Variants in CCDC7 observed in about 807,000 individuals in gnomAD.
CCDC7 encodes the protein coiled-coil domain containing 7.
Under a neutral mutation model 196.9 loss-of-function variants are expected in CCDC7, and 183 were observed. The ratio of observed to expected loss-of-function variants is 0.93; its 90% CI spans 0.82 to 1.05. The LOEUF is 1.05. CCDC7 is among the 50% of genes least tolerant of loss of function. The pLI is 0.00. For missense variants in CCDC7, 1,540 were observed against 1,482.2 expected (o/e 1.04, Z -0.64); for synonymous variants, 525 against 484.6 (o/e 1.08, Z -1.10).
At position 32,643,330 on chromosome 10, in the gene CCDC7, T is replaced by C. The variant is rs902939463; in HGVS notation, c.2014+8172T>C. Among the ~76,000 whole-genome samples the C allele has an allele frequency of 5.2e-4, 79 of 152,208 alleles. 3 individuals are homozygous for C. Among genetic ancestry groups the C allele is most frequent in the Non-Finnish European group, 4.4e-5 (3 of 68,022 alleles). On this transcript the variant is annotated intron_variant, in intron 20 of 41. Transcript: ENST00000639629. ...TACATTGACATACTATGGTGATTTT[T>C]GTTAGTGTATGTGTGGTGTATCTCT...
intron 5 of CCDC7, among the ~76,000 whole-genome samples, chr10:32,465,378 T>C (rs2036556607): frequency 6.6e-6 from 1 of 152,062 alleles, no homozygotes; most frequent in East Asian, 1.9e-4. Flanking sequence ...TCTGTCTCCC[T>C]AACAAGTAAA....
At chr10:32,837,990 G>A (rs577440650) in intron 33 of CCDC7, among the ~76,000 whole-genome samples, 1 of 151,456 alleles carries the variant, frequency 6.6e-6, no homozygotes, top group African/African-American at 2.4e-5. Flanking sequence ...TGAGTTAATG[G>A]GTGCAGCACA....
At chr10:32,611,835 A>G (rs910306914) in intron 18 of CCDC7, among the ~76,000 whole-genome samples, 12 of 152,220 alleles carry the variant, frequency 7.9e-5, no homozygotes, top group African/African-American at 2.9e-4. Flanking sequence ...TTGTAGTATA[A>G]TTTGAAGTCA....
chr10:32,563,726 G>A (rs1019441907), intron 13 of CCDC7, among the ~76,000 whole-genome samples: 1 of 152,122 alleles, frequency 6.6e-6, no homozygotes, highest in African/African-American at 2.4e-5. Context: ...TTACCATTCA[G>A]GACATAGGCA....
At chr10:32,744,148 AG>A (rs1203194811) in intron 28 of CCDC7, among the ~76,000 whole-genome samples, 118 of 151,426 alleles carry the variant, frequency 7.8e-4, no homozygotes, top group African/African-American at 2.6e-3. Flanking sequence ...TTAAAAAAAA[AG>A]AAAAAAAAAA....
intron 13 of CCDC7, among the ~76,000 whole-genome samples, chr10:32,550,436 A>G (rs2947072): frequency 0.83 from 126,545 of 152,090 alleles, 53,258 homozygotes; most frequent in Non-Finnish European, 0.9. Context: ...AGGACTTTCA[A>G]TACTATGTTG....
intron 13 of CCDC7, among the ~76,000 whole-genome samples, chr10:32,546,966 G>C (rs796509937): frequency 2.6e-4 from 39 of 152,176 alleles, no homozygotes; most frequent in African/African-American, 8.4e-4. Flanking sequence ...TAGATTGTTC[G>C]TATCATAGCA....
chr10:32,604,615 G>T (rs1478562820), intron 18 of CCDC7, among the ~76,000 whole-genome samples: 9 of 152,100 alleles, frequency 5.9e-5, no homozygotes, highest in African/African-American at 2.2e-4. Flanking sequence ...GTGTTTTACA[G>T]CTTTCTTTAC....
At position 32,666,033 on chromosome 10, in the gene CCDC7, G is replaced by A. The variant is rs550033022; in HGVS notation, c.2122+1872G>A. ...GAGTATAGGAACACTACTAATGTTT[G>A]TGTGTTGACTTTCTACCCTGAAAAT... is the stretch of plus-strand genomic sequence containing the variant. On this transcript the variant is annotated intron_variant, in intron 21 of 41. Coordinates refer to ENST00000639629, the Ensembl canonical transcript of CCDC7. Among the ~76,000 whole-genome samples, 217 of 150,800 alleles carry A rather than the reference G, an allele frequency of 1.4e-3. 1 individual carries two copies. Among genetic ancestry groups the A allele is most frequent in the African/African-American group, 5.0e-3 (206 of 41,240 alleles).
intron 18 of CCDC7, among the ~76,000 whole-genome samples, chr10:32,615,475 C>G (rs1256435771): frequency 6.6e-6 from 1 of 152,088 alleles, no homozygotes; most frequent in African/African-American, 2.4e-5. Context: ...TCTGTGTCTT[C>G]TTTTGAAAAA....
At chr10:32,816,213 C>G (rs544326504) in intron 31 of CCDC7, among the ~76,000 whole-genome samples, 96 of 152,350 alleles carry the variant, frequency 6.3e-4, no homozygotes, top group African/African-American at 2.2e-3. Flanking sequence ...TCGGAGGGTC[C>G]TGCGCCCATG....
At chr10:32,658,496 G>T (rs1271115860) in intron 20 of CCDC7, among the ~76,000 whole-genome samples, 1 of 152,122 alleles carries the variant, frequency 6.6e-6, no homozygotes, top group Non-Finnish European at 1.5e-5. Flanking sequence ...TAGCATGGAG[G>T]TTGGCGCCCT....
chr10:32,500,339 C>T (rs1297512636), intron 9 of CCDC7, among the ~76,000 whole-genome samples: 6 of 151,346 alleles, frequency 4.0e-5, no homozygotes, highest in East Asian at 2.0e-4. Context: ...ACGGGGCGGC[C>T]GGTCAGAGAC....
intron 11 of CCDC7, 46 bp downstream of exon 12, chr10:32,518,551 C>A: frequency 6.8e-7 from 1 of 1,463,918 alleles, no homozygotes; most frequent in Non-Finnish European, 9.3e-7. Context: ...CCTAATAAGG[C>A]TTATTATGTT....
chr10:32,732,680 T>C (rs1191082739), intron 28 of CCDC7, among the ~76,000 whole-genome samples: 1 of 152,116 alleles, frequency 6.6e-6, no homozygotes, highest in Non-Finnish European at 1.5e-5. Flanking sequence ...TAAAATAGAC[T>C]GTATTTTTAG....
intron 11 of CCDC7, among the ~76,000 whole-genome samples, chr10:32,539,737 A>T (rs966801135): frequency 6.6e-6 from 1 of 152,166 alleles, no homozygotes; most frequent in African/African-American, 2.4e-5. Flanking sequence ...GTTTCAAAGA[A>T]CTTCCTAACT....
At chr10:32,456,445 GA>G in intron 3 of CCDC7, 111 bp downstream of exon 4, 1 of 837,900 alleles carries the variant, frequency 1.2e-6, no homozygotes, top group Non-Finnish European at 1.7e-6. Flanking sequence ...AGTGTCTTAA[GA>G]AATTATAAAT....
Position 32,845,228 on chromosome 10 carries a change from G to C in CCDC7, c.3353-15G>C, listed in dbSNP as rs924867464. The C allele has an allele frequency of 2.8e-5, 41 of 1,464,408 alleles. No individual in the cohort carries two copies. Among genetic ancestry groups the C allele is most frequent in the Non-Finnish European group, 3.5e-5 (38 of 1,073,346 alleles). The allele number at this position is 1,464,408 out of a possible 1,614,324, so 90.7% of individuals were successfully genotyped here. On this transcript the variant is annotated splice_polypyrimidine_tract_variant and intron_variant, in intron 33 of 41. Transcript: ENST00000639629. ...TACCTTTCAAAATATATTGATATCT[G>C]TTTTATTTATATAGAGACTGATAAG...
chr10:32,446,874 A>G (rs973397369), upstream of CCDC7, among the ~76,000 whole-genome samples: 1 of 121,562 alleles, frequency 8.2e-6, no homozygotes, highest in Non-Finnish European at 2.0e-5. Flanking sequence ...TTTTGCACCA[A>G]GTGAGCGTTG....
Sources: gnomAD v4.1 joint callset for allele counts (sites outside exome capture counted in the v4.1 genomes callset) on GRCh38, gnomAD v4.1.1 for gene constraint, MANE v1.5 for transcripts, NCBI Gene and HGNC (gene_info 2026-07-23, HGNC 2026-07-21) for gene names.